The following FERMT3 variants were observed in gnomAD, a reference collection of about 807,000 sequenced individuals.
The protein encoded by FERMT3 is FERM domain containing kindlin 3, also known as fermitin family homolog 3.
A neutral mutation model predicts 80.8 loss-of-function variants in FERMT3; 33 were observed. That is an observed-to-expected ratio of 0.41 (90% CI 0.31 to 0.55). The LOEUF (loss-of-function observed/expected upper bound fraction) is 0.55, where lower values mean the gene tolerates loss of function less well. Among genes scored for constraint, FERMT3 ranks in the 20% least tolerant of loss-of-function variants. The pLI, the probability that FERMT3 is intolerant of heterozygous loss-of-function variation, is 0.31. For synonymous variants in FERMT3, 375 were observed against 372.2 expected, an observed-to-expected ratio of 1.01 and a Z score of -0.09; for missense variants, 754 against 908.7, an observed-to-expected ratio of 0.83 and a Z score of 2.19.
chr11:64,210,519 G>A lies in FERMT3; in HGVS notation c.161-92G>A. The A allele has an allele frequency of 7.5e-7, 1 of 1,331,678 alleles. No homozygotes were observed. Among genetic ancestry groups the A allele is most frequent in the East Asian group, 2.3e-5 (1 of 43,212 alleles). 82.5% of individuals were successfully genotyped at this position (1,331,678 alleles called of 1,614,324 possible). A position where few individuals can be genotyped will look rare whatever the true frequency, so the allele number is the denominator to read the frequency against. On this transcript the variant is annotated intron_variant, in intron 2 of 14. Coordinates refer to ENST00000345728, the MANE Select transcript of FERMT3 (RefSeq NM_031471.6). This position sits in a 1 kb window ranked among gnomAD's most constrained non-coding sequence, Gnocchi z 4.3. ...TTGGCTTAGGCAGGGCAGGGGAGTG[G>A]TCGCCCCAGGCTTCTGAATCCTGGG...
chr11:64,217,477 A>G (rs1179189050), intron 6 of FERMT3, among the ~76,000 whole-genome samples: 1 of 151,886 alleles, frequency 6.6e-6, no homozygotes, highest in Admixed American at 6.6e-5. Context: ...TGAACCCGGG[A>G]GGCGGAGGTT....
rs189786793 is a variant in FERMT3, at chr11:64,207,171, C to T, written c.-14-180C>T. 6.7e-3 allele frequency among the ~76,000 whole-genome samples: 1,019 copies of T among 152,306 alleles called. 6 individuals are homozygous for T. Among genetic ancestry groups the T allele is most frequent in the Non-Finnish European group, 0.012 (787 of 68,026 alleles). On this transcript the variant is annotated intron_variant, in intron 1 of 14. Coordinates refer to ENST00000345728, the MANE Select transcript of FERMT3 (RefSeq NM_031471.6). ...TCTCTGAGGGCCCTCGCGGCTCAAG[C>T]GCCAGCGCTGGAGAGAGAGTCTGAG...
Position 64,221,158 on chromosome 11 carries a change from GC to G in FERMT3, c.1670+23del. 1 of 1,604,440 alleles carries G rather than the reference GC, an allele frequency of 6.2e-7. No homozygotes were observed. Among genetic ancestry groups the G allele is most frequent in the Non-Finnish European group, 8.5e-7 (1 of 1,178,972 alleles). On this transcript the variant is annotated intron_variant, in intron 13 of 14. Transcript: ENST00000345728. The stretch of plus-strand genomic sequence containing the variant: ...ATGGTCAGGTATGGCCCCTGGCCCA[GC>G]CCCCTGCCCAGCACCGTCTCTGCCC...
Position 64,211,694 on chromosome 11 carries a change from G to C in FERMT3, c.733G>C (p.Asp245His), listed in dbSNP as rs1565291029. Residue 245 changes from aspartate (D) to histidine (H), a missense_variant, in exon 6 of 15, where the codon GAC (aspartate) becomes CAC (histidine). Transcript: ENST00000345728. The surrounding 1 kb of genome is among the most constrained non-coding windows in gnomAD (Gnocchi z 4.7). ...CATGCAGCAGGGCATCAAGGCCGGG[G>C]ACGCACTCTGGCTGCGCTTCAAGTA... ...CLMQQGIKAG[D>H]ALWLRFKYYS... 2.5e-6 allele frequency: 4 copies of C among 1,614,214 alleles called. No homozygotes were observed. The highest frequency in any genetic ancestry group is 2.5e-6 in the Non-Finnish European group (3 of 1,180,038).
Position 64,214,168 on chromosome 11 carries a change from C to CTTTTTT in FERMT3, c.786+2434_786+2439dup, listed in dbSNP as rs60329788. On this transcript the variant is annotated intron_variant, in intron 6 of 14. Transcript: ENST00000345728. ...AAATGGTTTTGAAGTTCATAATTGCCTTTTTTTTTTTTTTTTTTGAGATGA... is the reference window on the plus strand; with the variant it reads ...AAATGGTTTTGAAGTTCATAATTGCCTTTTTTTTTTTTTTTTTTTTTTTTGAGATGA... Among the ~76,000 whole-genome samples, 855 of 113,370 alleles carry CTTTTTT rather than the reference C, an allele frequency of 7.5e-3. 26 individuals are homozygous for CTTTTTT. The highest frequency in any genetic ancestry group is 9.1e-3 in the Non-Finnish European group (520 of 57,298). The allele number at this position is 113,370 out of a possible 152,430, so 74.4% of individuals were successfully genotyped here. A position where few individuals can be genotyped will look rare whatever the true frequency, so the allele number is the denominator to read the frequency against.
At chr11:64,218,544 A>C (rs889370856) in intron 6 of FERMT3, among the ~76,000 whole-genome samples, 1 of 151,932 alleles carries the variant, frequency 6.6e-6, no homozygotes, top group African/African-American at 2.4e-5. Context: ...GGCTCAAGCT[A>C]TCTGCCTGCC....
At position 64,223,365 on chromosome 11, in the gene FERMT3, C is replaced by G. The variant is rs1443778098; in HGVS notation, c.1865C>G (p.Ala622Gly). 1 of 1,613,978 alleles carries G rather than the reference C, an allele frequency of 6.2e-7. No individual in the cohort carries two copies. The highest frequency in any genetic ancestry group is 8.5e-7 in the Non-Finnish European group (1 of 1,180,056). ...HINVAFSCVS[A>G]SCRIVHEYIG... The stretch of plus-strand genomic sequence containing the variant: ...AATGTGGCCTTCAGCTGCGTGTCTG[C>G]CAGCTGCCGAATTGTACACGAGTAT... The change falls in exon 15 of 15, where the codon GCC (alanine) becomes GGC (glycine). Residue 622 changes from alanine (A) to glycine (G), a missense_variant. Ala to Gly is a moderately conservative substitution (Grantham distance 60). Coordinates refer to ENST00000345728, the MANE Select transcript of FERMT3 (RefSeq NM_031471.6).
In FERMT3 at chr11:64,210,831, C is replaced by T; in HGVS notation, c.381C>T (p.Ile127=). ...SQPLFQAVAA[I]CRLLSIRHPE... ...CCCTCTTCCAGGCTGTGGCTGCCAT[C>T]TGCCGCCTCCTCAGTAAGTTGCCCG... The change falls in exon 3 of 15, where the codon ATC becomes ATT. Residue 127 remains isoleucine, a synonymous_variant. Coordinates refer to ENST00000345728, the MANE Select transcript of FERMT3 (RefSeq NM_031471.6). The surrounding 1 kb of genome is among the most constrained non-coding windows in gnomAD (Gnocchi z 4.3). 6.2e-7 allele frequency: 1 copy of T among 1,612,340 alleles called. No homozygotes were observed. The highest frequency in any genetic ancestry group is 1.1e-5 in the South Asian group (1 of 91,088).
Position 64,223,878 on chromosome 11 carries a change from AT to A in FERMT3, c.*388del. 1 of 1,579,672 alleles carries A rather than the reference AT, an allele frequency of 6.3e-7. No individual in the cohort carries two copies. The highest frequency in any genetic ancestry group is 8.6e-7 in the Non-Finnish European group (1 of 1,162,542). The stretch of plus-strand genomic sequence containing the variant: ...TTTCTTTTTTATAAATTAATATTTT[AT>A]TGTTGGATCCTCCTCCTTTCTCTGG... On this transcript the variant is annotated 3_prime_UTR_variant, in exon 15 of 15. Coordinates refer to ENST00000345728, the MANE Select transcript of FERMT3 (RefSeq NM_031471.6).
In FERMT3 at chr11:64,211,102, GAGA is replaced by G. The variant is rs759155629; in HGVS notation, c.456_458del (p.Lys153del). The G allele has an allele frequency of 1.6e-4, 244 of 1,571,054 alleles. No homozygotes were observed. The highest frequency in any genetic ancestry group is 1.8e-4 in the Non-Finnish European group (209 of 1,157,952). ...CCTGCTCCGGGCTCCTGAGAAGAAG[GAGA>G]AGAAGAAGAAAGAGAAGGAGCCAGA... On this transcript the variant is annotated inframe_deletion, in exon 4 of 15. Coordinates refer to ENST00000345728, the MANE Select transcript of FERMT3 (RefSeq NM_031471.6). The surrounding 1 kb of genome is among the most constrained non-coding windows in gnomAD (Gnocchi z 4.7).
At chr11:64,207,719 C>G (rs1447712344) in intron 2 of FERMT3, 195 bp downstream of exon 2, 4 of 640,612 alleles carry the variant, frequency 6.2e-6, no homozygotes, top group African/African-American at 1.8e-5. Context: ...TTCCCTCCCT[C>G]CCTTCTGCTG....
chr11:64,216,451 A>G (rs1415069504), intron 6 of FERMT3, among the ~76,000 whole-genome samples: 2 of 145,844 alleles, frequency 1.4e-5, no homozygotes, highest in Admixed American at 6.8e-5. Context: ...TGCCCGCTTC[A>G]GCCTCCCAAA....
chr11:64,221,102 G>A lies in FERMT3; in HGVS notation c.1632G>A (p.Gln544=). ...AGCTGCGCTTCATCCAGGCCTGGCA[G>A]TCCCTGCCCGACTTCGGCATCTCCT... ...EAQLRFIQAW[Q]SLPDFGISYV... The change falls in exon 13 of 15, where the codon CAG becomes CAA. Residue 544 remains glutamine (Q), a synonymous_variant. Transcript: ENST00000345728. The A allele has an allele frequency of 6.2e-7, 1 of 1,611,578 alleles. No individual in the cohort carries two copies.
chr11:64,223,108 C>A lies in FERMT3; in HGVS notation c.1731C>A (p.Ile577=), dbSNP rs184609471. ...TCGCCAACAACCGACTGATCCGCAT[C>A]GACTTGGCCGTGGGCGACGTGGTCA... is the stretch of plus-strand genomic sequence containing the variant. ...LGIANNRLIR[I]DLAVGDVVKT... Residue 577 remains isoleucine (I), a synonymous_variant, in exon 14 of 15, where the codon ATC becomes ATA. Transcript: ENST00000345728. 6.2e-7 allele frequency: 1 copy of A among 1,613,956 alleles called. No individual in the cohort carries two copies. The highest frequency in any genetic ancestry group is 1.1e-5 in the South Asian group (1 of 91,090).
At chr11:64,214,713 A>G (rs1776491752) in intron 6 of FERMT3, among the ~76,000 whole-genome samples, 1 of 151,652 alleles carries the variant, frequency 6.6e-6, no homozygotes, top group African/African-American at 2.4e-5. Flanking sequence ...GACCTCTTCA[A>G]CTTATCTTCT....
chr11:64,207,704 C>A (rs1946344218), intron 2 of FERMT3, 180 bp downstream of exon 2: 3 of 689,626 alleles, frequency 4.4e-6, no homozygotes, highest in South Asian at 4.0e-5. Context: ...CTCCCTCCCA[C>A]CCTCTTCCCT....
Position 64,221,233 on chromosome 11 carries a change from G to T in FERMT3, c.1670+93G>T, listed in dbSNP as rs1038485986. The T allele has an allele frequency of 2.2e-6, 3 of 1,344,588 alleles. No individual in the cohort carries two copies. In the African/African-American group the frequency reaches 4.3e-5, roughly 19 times the overall value. The allele number at this position is 1,344,588 out of a possible 1,614,324, so 83.3% of individuals were successfully genotyped here. A position where few individuals can be genotyped will look rare whatever the true frequency, so the allele number is the denominator to read the frequency against. On this transcript the variant is annotated intron_variant, in intron 13 of 14. Transcript: ENST00000345728. Reference sequence around the variant, plus strand: ...TGCCCACATCCCAAGAGTAGGTTCTGGACAGGCACCCCAAAGACTCCCTTC... The same window carrying T: ...TGCCCACATCCCAAGAGTAGGTTCTTGACAGGCACCCCAAAGACTCCCTTC...
chr11:64,211,832 T>G lies in FERMT3; in HGVS notation c.786+85T>G. The stretch of plus-strand genomic sequence containing the variant: ...TGGGGTATGGGCTCTGGGATGTTAG[T>G]GACTTGTAGTGGCCTGTCCGTCTGC... On this transcript the variant is annotated intron_variant, in intron 6 of 14. Coordinates refer to ENST00000345728, the MANE Select transcript of FERMT3 (RefSeq NM_031471.6). The surrounding 1 kb of genome is among the most constrained non-coding windows in gnomAD (Gnocchi z 4.7). The G allele has an allele frequency of 7.8e-7, 1 of 1,286,726 alleles. No individual in the cohort carries two copies. The highest frequency in any genetic ancestry group is 1.2e-5 in the South Asian group (1 of 83,408). The allele number at this position is 1,286,726 out of a possible 1,614,324, so 79.7% of individuals were successfully genotyped here.
chr11:64,219,934 G>T lies in FERMT3; in HGVS notation c.1123G>T (p.Val375Leu). The change falls in exon 10 of 15, where the codon GTG becomes TTG. Residue 375 changes from valine (V) to leucine (L), a missense_variant. Transcript: ENST00000345728. This position sits in a 1 kb window ranked among gnomAD's most constrained non-coding sequence, Gnocchi z 4.0. ...TLKGYRQHWV[V>L]FKETTLSYYK... ...GAAGGGCTACCGCCAACACTGGGTG[G>T]TGTTCAAGGAGACCACACTGTCCTA... The T allele has an allele frequency of 6.2e-7, 1 of 1,613,900 alleles. No homozygotes were observed. Among genetic ancestry groups the T allele is most frequent in the Non-Finnish European group, 8.5e-7 (1 of 1,180,002 alleles).
Sources: allele counts gnomAD v4.1 joint callset (sites outside exome capture counted in the v4.1 genomes callset), GRCh38; gene constraint gnomAD v4.1.1; non-coding constraint Gnocchi (gnomAD v3.1); transcripts MANE v1.5; gene names NCBI Gene and HGNC (gene_info 2026-07-23, HGNC 2026-07-21).